Variants in SLC25A27 observed in about 807,000 individuals in gnomAD.
SLC25A27 encodes mitochondrial uncoupling protein 4.
A neutral mutation model predicts 49.1 loss-of-function variants in SLC25A27; 35 were observed. The ratio of observed to expected loss-of-function variants is 0.71; its 90% CI spans 0.54 to 0.95. The LOEUF (loss-of-function observed/expected upper bound fraction) is 0.95. Among genes scored for constraint, SLC25A27 ranks in the 40% least tolerant of loss-of-function variants. The probability of loss-of-function intolerance (pLI) is 0.00; values close to 1 mark genes in which losing one functional copy is unlikely to be tolerated. For synonymous variants in SLC25A27, 144 were observed against 136.9 expected, an observed-to-expected ratio of 1.05 and a Z score of -0.36; for missense variants, 339 against 397.1, an observed-to-expected ratio of 0.85 and a Z score of 1.24.
chr6:46,670,322 T>TA (rs1237788656), intron 7 of SLC25A27, 95 bp downstream of exon 7: 1 of 814,854 alleles, frequency 1.2e-6, no homozygotes, highest in Non-Finnish European at 1.9e-6. Flanking sequence ...GATAGAAATG[T>TA]ATTTGTGTGT....
At chr6:46,654,067 C>CTT in intron 1 of SLC25A27, 1 of 979,410 alleles carries the variant, frequency 1.0e-6, no homozygotes, top group Non-Finnish European at 1.2e-6. Flanking sequence ...TAAGAAAAAA[C>CTT]TTTAAGAGGC....
chr6:46,656,160 C>A, intron 2 of SLC25A27, 126 bp downstream of exon 2: 3 of 657,684 alleles, frequency 4.6e-6, no homozygotes, highest in Non-Finnish European at 7.4e-6. Context: ...ACACATACAG[C>A]ACATAGTCTT....
Position 46,670,137 on chromosome 6 carries a change from T to C in SLC25A27, c.707T>C (p.Leu236Ser). The C allele has an allele frequency of 6.2e-7, 1 of 1,604,486 alleles. No homozygotes were observed. The highest frequency in any genetic ancestry group is 8.5e-7 in the Non-Finnish European group (1 of 1,173,968). The change falls in exon 7 of 9, where the codon TTA becomes TCA. Residue 236 changes from leucine to serine, a missense_variant and splice_region_variant. Leu to Ser is a moderately radical substitution (Grantham distance 145). Transcript: ENST00000371347. ...ATTTCATTTATTTGTATTTATAGTT[T>C]ATGTTCTGGACTGGTAGCTTCTATT... ...DNIMTHGLSS[L>S]CSGLVASILG...
At position 46,656,030 on chromosome 6, in the gene SLC25A27, C is replaced by G; in HGVS notation, c.294C>G (p.His98Gln). Residue 98 changes from histidine (H) to glutamine (Q), a missense_variant, in exon 2 of 9, where the codon CAC becomes CAG. His to Gln is a conservative substitution (Grantham distance 24). Coordinates refer to ENST00000371347, the MANE Select transcript of SLC25A27 (RefSeq NM_004277.5). ...WQGVTPAIYRHVVYSGGRMVT... is the reference protein window; with the variant it reads ...WQGVTPAIYRQVVYSGGRMVT... ...GAGTGACACCCGCCATTTACAGACA[C>G]GTAGGTATTTATCTTGATTCTAGCT... The G allele has an allele frequency of 6.2e-6, 10 of 1,605,712 alleles. No homozygotes were observed. The highest frequency in any genetic ancestry group is 7.6e-6 in the Non-Finnish European group (9 of 1,176,802).
intron 6 of SLC25A27, 99 bp downstream of exon 6, chr6:46,668,892 C>T (rs976772217): frequency 3.8e-5 from 26 of 692,458 alleles, no homozygotes; most frequent in Non-Finnish European, 5.9e-5. Context: ...TGGGATTGTA[C>T]TGGCATCACC....
At chr6:46,672,048 A>C (rs1763567795) in intron 8 of SLC25A27, among the ~76,000 whole-genome samples, 1 of 152,180 alleles carries the variant, frequency 6.6e-6, no homozygotes. Flanking sequence ...TGAATAAGAA[A>C]CTATAAGTGA....
chr6:46,656,546 A>G (rs1323076386), intron 2 of SLC25A27, among the ~76,000 whole-genome samples: 3 of 152,042 alleles, frequency 2.0e-5, no homozygotes, highest in Non-Finnish European at 2.9e-5. Context: ...GGGTTTCACC[A>G]TGTTGATCAG....
intron 6 of SLC25A27, among the ~76,000 whole-genome samples, chr6:46,669,139 A>C (rs1046818025): frequency 2.6e-5 from 4 of 152,204 alleles, no homozygotes; most frequent in Non-Finnish European, 5.9e-5. Flanking sequence ...TGGGCACCAA[A>C]GGGGTAAACT....
At chr6:46,668,684 A>G (rs1400707616) in intron 5 of SLC25A27, 25 bp from the exon 6 acceptor site, 2 of 1,355,854 alleles carry the variant, frequency 1.5e-6, no homozygotes, top group Non-Finnish European at 2.1e-6. Context: ...TGACTGATGA[A>G]TATTTAAACT....
intron 3 of SLC25A27, among the ~76,000 whole-genome samples, chr6:46,659,592 G>A (rs755469129): frequency 1.3e-5 from 2 of 152,138 alleles, no homozygotes; most frequent in Admixed American, 6.6e-5. Context: ...GGTGGCTCAC[G>A]CCTGTAATCC....
Position 46,671,766 on chromosome 6 carries a change from C to G in SLC25A27, c.900+538C>G, listed in dbSNP as rs566442194. Reference sequence around the variant, plus strand: ...ATAGAATTAGATAGACTTGTTTAAGCAATATAGCAAATAAAATATAGAATT... The same window carrying G: ...ATAGAATTAGATAGACTTGTTTAAGGAATATAGCAAATAAAATATAGAATT... On this transcript the variant is annotated intron_variant, in intron 8 of 8. Coordinates refer to ENST00000371347, the MANE Select transcript of SLC25A27 (RefSeq NM_004277.5). Among the ~76,000 whole-genome samples, 4 of 151,646 alleles carry G rather than the reference C, an allele frequency of 2.6e-5. No homozygotes were observed. In the South Asian group the frequency reaches 8.3e-4, roughly 32 times the overall value.
chr6:46,669,121 C>G (rs1399291777), intron 6 of SLC25A27, among the ~76,000 whole-genome samples: 1 of 152,152 alleles, frequency 6.6e-6, no homozygotes, highest in Non-Finnish European at 1.5e-5. Flanking sequence ...CTGGGCAGGG[C>G]TCTGCAGTGG....
Position 46,676,617 on chromosome 6 carries a change from TTCTCTTTGACTCC to T in SLC25A27, c.*167_*179del. Reference sequence around the variant, plus strand: ...CTTTATTTTTTTCTGGAAACCCAAGTTCTCTTTGACTCCTCTTTTTGTCCAAAAGTGATCTGGT... The same window carrying T: ...CTTTATTTTTTTCTGGAAACCCAAGTTCTTTTTGTCCAAAAGTGATCTGGT... On this transcript the variant is annotated 3_prime_UTR_variant, in exon 9 of 9. Coordinates refer to ENST00000371347, the MANE Select transcript of SLC25A27 (RefSeq NM_004277.5). The T allele has an allele frequency of 6.4e-7, 1 of 1,552,092 alleles. No individual in the cohort carries two copies. The highest frequency in any genetic ancestry group is 8.7e-7 in the Non-Finnish European group (1 of 1,147,316).
At chr6:46,662,536 T>C in intron 4 of SLC25A27, 38 bp downstream of exon 4, 1 of 1,605,488 alleles carries the variant, frequency 6.2e-7, no homozygotes, top group Non-Finnish European at 8.5e-7. Flanking sequence ...TCTTTTTCCC[T>C]TGGCCACCGT....
intron 1 of SLC25A27, 90 bp downstream of exon 1, chr6:46,653,388 C>CGCTCCG (rs1278007330): frequency 6.8e-7 from 1 of 1,468,612 alleles, no homozygotes; most frequent in East Asian, 2.5e-5. Context: ...CCCGGCAGTG[C>CGCTCCG]GCATCGGAGA....
intron 5 of SLC25A27, among the ~76,000 whole-genome samples, chr6:46,667,116 A>AT (rs1387667625): frequency 2.0e-5 from 3 of 151,782 alleles, no homozygotes; most frequent in East Asian, 1.9e-4. Context: ...CTACTACCTT[A>AT]TTTTTTTTAA....
At chr6:46,654,329 G>A (rs1345460292) in intron 1 of SLC25A27, among the ~76,000 whole-genome samples, 2 of 152,018 alleles carry the variant, frequency 1.3e-5, no homozygotes, top group African/African-American at 4.8e-5. Context: ...CAGTTGTTTC[G>A]TGCTCTTCCA....
chr6:46,676,796 T>G lies in SLC25A27; in HGVS notation c.*342T>G. Reference sequence around the variant, plus strand: ...CTGAAGAGCCTGCTTAGAGGAGGAGTACCAGGAGGGAGCCAGCATTTCAGA... The same window carrying G: ...CTGAAGAGCCTGCTTAGAGGAGGAGGACCAGGAGGGAGCCAGCATTTCAGA... On this transcript the variant is annotated 3_prime_UTR_variant, in exon 9 of 9. Transcript: ENST00000371347. 1.1e-6 allele frequency: 1 copy of G among 933,426 alleles called. No individual in the cohort carries two copies. The highest frequency in any genetic ancestry group is 1.4e-5 in the South Asian group (1 of 69,188). 57.8% of individuals were successfully genotyped at this position (933,426 alleles called of 1,614,324 possible).
chr6:46,654,120 G>C (rs1762881774), intron 1 of SLC25A27: 1 of 985,160 alleles, frequency 1.0e-6, no homozygotes, highest in Non-Finnish European at 1.2e-6. Flanking sequence ...AGCAAGTAGC[G>C]TTTATTCCAA....
Sources: gnomAD v4.1 joint callset for allele counts (sites outside exome capture counted in the v4.1 genomes callset) on GRCh38, gnomAD v4.1.1 for gene constraint, MANE v1.5 for transcripts, NCBI Gene and HGNC (gene_info 2026-07-23, HGNC 2026-07-21) for gene names.